The following MORC2 variants were observed in gnomAD, a reference collection of about 807,000 sequenced individuals.
The protein encoded by MORC2 is MORC family CW-type zinc finger 2.
MORC2 carries 30 observed loss-of-function variants against 136.0 expected under a neutral mutation model. That is an observed-to-expected ratio of 0.22 (90% CI 0.17 to 0.30). The LOEUF (loss-of-function observed/expected upper bound fraction) is 0.30. Among genes scored for constraint, MORC2 ranks in the 10% least tolerant of loss-of-function variants. The pLI is 1.00. For synonymous variants in MORC2, 439 were observed against 487.0 expected (o/e 0.90, Z 1.30); for missense variants, 922 against 1,333.1 (o/e 0.69, Z 4.80).
At position 30,934,944 on chromosome 22, in the gene MORC2, G is replaced by A. The variant is rs1569190434; in HGVS notation, c.2030C>T (p.Pro677Leu). ...TGCAGTCTTGACGAGAGTGTTGGCAGGCTTTCGGGGTGCCTCAGGTGGCTG... is the reference window on the plus strand; with the variant it reads ...TGCAGTCTTGACGAGAGTGTTGGCAAGCTTTCGGGGTGCCTCAGGTGGCTG... Reference protein sequence around the residue: ...LLQPPEAPRKPANTLVKTASR... With the variant: ...LLQPPEAPRKLANTLVKTASR... The change falls in exon 19 of 26, where the codon CCT (proline) becomes CTT (leucine). Residue 677 changes from proline (P) to leucine (L), a missense_variant. By Grantham distance (98) the Pro-to-Leu change is moderately conservative. Transcript: ENST00000397641. The surrounding 1 kb of genome is among the most constrained non-coding windows in gnomAD (Gnocchi z 4.4). 1 of 1,614,152 alleles carries A rather than the reference G, an allele frequency of 6.2e-7. No homozygotes were observed. The highest frequency in any genetic ancestry group is 8.5e-7 in the Non-Finnish European group (1 of 1,180,032).
At chr22:30,964,626 A>AC (rs1400854430) in intron 1 of MORC2, among the ~76,000 whole-genome samples, 4 of 152,194 alleles carry the variant, frequency 2.6e-5, no homozygotes, top group Non-Finnish European at 5.9e-5. Flanking sequence ...TTACTTAAAA[A>AC]CCCTAACATT....
At position 30,944,040 on chromosome 22, in the gene MORC2, G is replaced by T. The variant is rs142699893; in HGVS notation, c.427-1769C>A. On this transcript the variant is annotated intron_variant, in intron 6 of 25. Coordinates refer to ENST00000397641, the MANE Select transcript of MORC2 (RefSeq NM_001303256.3). ...CCCAAAGTGCTGGGATTATAGGCGT[G>T]AGCCACCAGGCCCGGCCCATTTTGC... 2.8e-3 allele frequency among the ~76,000 whole-genome samples: 430 copies of T among 152,322 alleles called. 3 individuals carry two copies. Among genetic ancestry groups the T allele is most frequent in the African/African-American group, 9.9e-3 (411 of 41,570 alleles).
Position 30,941,836 on chromosome 22 carries a change from C to G in MORC2, c.698+55G>C. ...CTCCCCTCTTTCCCTGAAGCCATCT[C>G]CTGAGAGCACAAACGCCAGTTCCAG... is the stretch of plus-strand genomic sequence containing the variant. On this transcript the variant is annotated intron_variant, in intron 8 of 25. Transcript: ENST00000397641. The surrounding 1 kb of genome is among the most constrained non-coding windows in gnomAD (Gnocchi z 4.6). 1 of 1,446,150 alleles carries G rather than the reference C, an allele frequency of 6.9e-7. No homozygotes were observed. Among genetic ancestry groups the G allele is most frequent in the East Asian group, 2.3e-5 (1 of 44,024 alleles). 89.6% of individuals were successfully genotyped at this position (1,446,150 alleles called of 1,614,324 possible). A position where few individuals can be genotyped will look rare whatever the true frequency, so the allele number is the denominator to read the frequency against.
intron 1 of MORC2, among the ~76,000 whole-genome samples, chr22:30,960,581 C>T (rs976165187): frequency 2.7e-5 from 4 of 150,316 alleles, no homozygotes; most frequent in African/African-American, 4.9e-5. Context: ...CTCCGCCTCC[C>T]GGGTTCAAGC....
chr22:30,932,300 A>G lies in MORC2; in HGVS notation c.2841+59T>C. 7.2e-7 allele frequency: 1 copy of G among 1,384,910 alleles called. No individual in the cohort carries two copies. Among genetic ancestry groups the G allele is most frequent in the Non-Finnish European group, 1.0e-6 (1 of 990,226 alleles). 85.8% of individuals were successfully genotyped at this position (1,384,910 alleles called of 1,614,324 possible). On this transcript the variant is annotated intron_variant, in intron 24 of 25. Transcript: ENST00000397641. The surrounding 1 kb of genome is among the most constrained non-coding windows in gnomAD (Gnocchi z 4.4). ...ATCATAATCACAACAGTTACAACAAATGCAGGGGCAGGGGTGGGGGAATGA... is the reference window on the plus strand; with the variant it reads ...ATCATAATCACAACAGTTACAACAAGTGCAGGGGCAGGGGTGGGGGAATGA...
At chr22:30,946,526 G>T in intron 5 of MORC2, 77 bp from the exon 6 acceptor site, 2 of 1,312,184 alleles carry the variant, frequency 1.5e-6, no homozygotes, top group African/African-American at 1.5e-5. Context: ...ATCCACTCTG[G>T]ACATGATTGA....
intron 21 of MORC2, 39 bp downstream of exon 21, chr22:30,933,427 A>T (rs777909299): frequency 6.3e-7 from 1 of 1,591,324 alleles, no homozygotes; most frequent in East Asian, 2.3e-5. Context: ...TCCCACTCCC[A>T]CCCCCGCCAC....
In MORC2 at chr22:30,936,499, T is replaced by C. The variant is rs765105846; in HGVS notation, c.1737+12A>G. ...ACAGGCTGGCTTTGCCCACTGACCA[T>C]GACCCACGTACCTGAAGGGCCTCCA... On this transcript the variant is annotated intron_variant, in intron 17 of 25. Transcript: ENST00000397641. 2.5e-6 allele frequency: 4 copies of C among 1,613,810 alleles called. No individual in the cohort carries two copies. The highest frequency in any genetic ancestry group is 1.1e-5 in the South Asian group (1 of 91,056).
At position 30,932,906 on chromosome 22, in the gene MORC2, C is replaced by T. The variant is rs772615451; in HGVS notation, c.2505G>A (p.Thr835=). Residue 835 remains threonine (T), a synonymous_variant, in exon 22 of 26, where the codon ACG becomes ACA. Transcript: ENST00000397641. This position sits in a 1 kb window ranked among gnomAD's most constrained non-coding sequence, Gnocchi z 4.4. ...GGCATTACCAGCGGTCTCTTGGTGT[C>T]GTGTCTGTGGGCACGTAGTCAAACT... ...KVKFDYVPTD[T]TPRDRWVEKG... is the part of the protein sequence containing the mutation. The T allele has an allele frequency of 9.3e-6, 15 of 1,614,016 alleles. No homozygotes were observed. The highest frequency in any genetic ancestry group is 4.5e-5 in the East Asian group (2 of 44,892).
intron 5 of MORC2, among the ~76,000 whole-genome samples, chr22:30,948,862 T>C (rs1300152032): frequency 1.3e-5 from 2 of 152,184 alleles, no homozygotes; most frequent in South Asian, 2.1e-4. Context: ...ACCATTTGGT[T>C]CCTGCCCTGA....
Position 30,935,110 on chromosome 22 carries a change from T to C in MORC2, c.1864A>G (p.Ile622Val), listed in dbSNP as rs936078755. The change falls in exon 19 of 26, where the codon ATC (isoleucine) becomes GTC (valine). Residue 622 changes from isoleucine to valine, a missense_variant. Physicochemically the swap from Ile to Val is conservative, Grantham distance 29. Coordinates refer to ENST00000397641, the MANE Select transcript of MORC2 (RefSeq NM_001303256.3). Reference sequence around the variant, plus strand: ...GGGGGTCTGCTGGGGGCGTTCCTGATCACAGCAGGTAAAGGGGGCGACCGA... The same window carrying C: ...GGGGGTCTGCTGGGGGCGTTCCTGACCACAGCAGGTAAAGGGGGCGACCGA... ...RPRSPPLPAV[I>V]RNAPSRPPSL... 6.2e-7 allele frequency: 1 copy of C among 1,613,366 alleles called. No individual in the cohort carries two copies.
chr22:30,956,901 A>G, intron 2 of MORC2, 104 bp from the exon 3 acceptor site: 1 of 914,086 alleles, frequency 1.1e-6, no homozygotes, highest in Non-Finnish European at 1.6e-6. Context: ...GTCTGTTTTC[A>G]GGAAGCCATA....
At position 30,948,523 on chromosome 22, in the gene MORC2, G is replaced by A. The variant is rs1053447829; in HGVS notation, c.317+1229C>T. Among the ~76,000 whole-genome samples the A allele has an allele frequency of 2.6e-5, 4 of 152,222 alleles. No homozygotes were observed. The South Asian group carries it at 6.2e-4, about 24-fold the overall frequency. Reference sequence around the variant, plus strand: ...CAGGCTCTCACAGCAATGATAGCATGTAATTCTTAACCTACTTGGTATGCA... The same window carrying A: ...CAGGCTCTCACAGCAATGATAGCATATAATTCTTAACCTACTTGGTATGCA... On this transcript the variant is annotated intron_variant, in intron 5 of 25. Transcript: ENST00000397641.
At chr22:30,946,032 A>G (rs1022813388) in intron 6 of MORC2, among the ~76,000 whole-genome samples, 4 of 152,176 alleles carry the variant, frequency 2.6e-5, no homozygotes, top group South Asian at 4.1e-4. Flanking sequence ...ACTCCCCCCA[A>G]AATGGAATTC....
At position 30,937,522 on chromosome 22, in the gene MORC2, A is replaced by T; in HGVS notation, c.1498+61T>A. 6.3e-7 allele frequency: 1 copy of T among 1,579,858 alleles called. No homozygotes were observed. On this transcript the variant is annotated intron_variant, in intron 15 of 25. Transcript: ENST00000397641. This position sits in a 1 kb window ranked among gnomAD's most constrained non-coding sequence, Gnocchi z 4.7. ...CAAGTTAGGAGGCTGGCAGGAAGAT[A>T]GAGAAAAGAGGCTTGTGGGCTGATG... is the stretch of plus-strand genomic sequence containing the variant.
intron 12 of MORC2, among the ~76,000 whole-genome samples, chr22:30,938,545 A>C (rs1280730927): frequency 6.6e-6 from 1 of 152,224 alleles, no homozygotes; most frequent in African/African-American, 2.4e-5. Flanking sequence ...TACCTTCCCC[A>C]AAATTCCACT....
rs755526155 is a variant in MORC2, at chr22:30,935,040, G to A, written c.1934C>T (p.Pro645Leu). ...GAGCTTTGGGGTACTGCTGATGACA[G>A]GAGCCTTTCGGGGCTGGCTGGCTGG... is the stretch of plus-strand genomic sequence containing the variant. ...PRPASQPRKAPVISSTPKLPA... is the reference protein window; with the variant it reads ...PRPASQPRKALVISSTPKLPA... Residue 645 changes from proline to leucine, a missense_variant, in exon 19 of 26, where the codon CCT becomes CTT. By Grantham distance (98) the Pro-to-Leu change is moderately conservative (BLOSUM62 -3). Around this residue, in one of 9 missense-constraint regions of MORC2, gnomAD observed 184 missense variants for 180.3 expected, o/e 1.02. Coordinates refer to ENST00000397641, the MANE Select transcript of MORC2 (RefSeq NM_001303256.3). 5 of 1,614,088 alleles carry A rather than the reference G, an allele frequency of 3.1e-6. No individual in the cohort carries two copies. The Admixed American group carries it at 8.3e-5, about 27-fold the overall frequency.
chr22:30,939,618 C>T lies in MORC2; in HGVS notation c.1073+3G>A. 3 of 1,614,024 alleles carry T rather than the reference C, an allele frequency of 1.9e-6. No individual in the cohort carries two copies. Among genetic ancestry groups the T allele is most frequent in the Non-Finnish European group, 2.5e-6 (3 of 1,179,952 alleles). On this transcript the variant is annotated splice_donor_region_variant and intron_variant, in intron 12 of 25. Transcript: ENST00000397641. ...AAGATCCAAGGACAGGCCTGGCACT[C>T]ACCGCTGCTTGGCCTCCTTGATCCT...
chr22:30,926,789 T>G lies in MORC2; in HGVS notation c.*14A>C. ...AGGGGCAGGTGGGCAGGGGAGCTGC[T>G]CTCTCTCCTGCCTTCAGTCCCCCTT... On this transcript the variant is annotated 3_prime_UTR_variant, in exon 26 of 26. Transcript: ENST00000397641. 1 of 1,609,786 alleles carries G rather than the reference T, an allele frequency of 6.2e-7. No individual in the cohort carries two copies. The highest frequency in any genetic ancestry group is 8.5e-7 in the Non-Finnish European group (1 of 1,177,020).
Sources: allele counts gnomAD v4.1 joint callset (sites outside exome capture counted in the v4.1 genomes callset), GRCh38; gene constraint gnomAD v4.1.1; regional missense constraint gnomAD v4.1.1; non-coding constraint Gnocchi (gnomAD v3.1); transcripts MANE v1.5; gene names NCBI Gene and HGNC (gene_info 2026-07-23, HGNC 2026-07-21).